Variants in SLIT3 observed in about 807,000 individuals in gnomAD.
SLIT3 encodes slit guidance ligand 3.
In SLIT3, 68 loss-of-function variants were observed where a neutral mutation model predicts 184.0. The observed-to-expected ratio is 0.37, with a 90% CI of 0.30 to 0.45. The LOEUF (loss-of-function observed/expected upper bound fraction) is 0.45. Among genes scored for constraint, SLIT3 ranks in the 20% least tolerant of loss-of-function variants. SLIT3 has a pLI of 1.00. For missense variants in SLIT3, 1,707 were observed against 2,026.0 expected (o/e 0.84, Z 3.02); for synonymous variants, 831 against 828.6 (o/e 1.00, Z -0.05).
rs185099975 is a variant in SLIT3, at chr5:169,049,370, G to A, written c.413+144109C>T. Among the ~76,000 whole-genome samples the A allele has an allele frequency of 1.2e-3, 189 of 152,258 alleles. 1 individual carries two copies. The highest frequency in any genetic ancestry group is 4.4e-3 in the African/African-American group (181 of 41,570). ...TTGACAGGTGCTAAGGTAACCAGAGGAAGTCAGCAGGAATCAACCTACATA... is the reference window on the plus strand; with the variant it reads ...TTGACAGGTGCTAAGGTAACCAGAGAAAGTCAGCAGGAATCAACCTACATA... On this transcript the variant is annotated intron_variant, in intron 4 of 35. Transcript: ENST00000519560.
chr5:168,886,108 A>G (rs1040467244), intron 4 of SLIT3, among the ~76,000 whole-genome samples: 1 of 152,244 alleles, frequency 6.6e-6, no homozygotes, highest in Non-Finnish European at 1.5e-5. Flanking sequence ...TGAGCAAAAC[A>G]GTAGATTGTA....
At chr5:169,273,493 C>A (rs1312723148) in intron 1 of SLIT3, among the ~76,000 whole-genome samples, 4 of 152,182 alleles carry the variant, frequency 2.6e-5, no homozygotes, top group Non-Finnish European at 4.4e-5. Flanking sequence ...GTCTTGGCTG[C>A]AAATTAGAAT....
intron 4 of SLIT3, among the ~76,000 whole-genome samples, chr5:169,159,510 T>TAC (rs766930527): frequency 0.046 from 7,046 of 151,906 alleles, 218 homozygotes; most frequent in East Asian, 0.098. Context: ...GCGCGGTAGC[T>TAC]CACGCCTGTA....
At chr5:168,879,069 C>G (rs1759851843) in intron 5 of SLIT3, among the ~76,000 whole-genome samples, 1 of 152,198 alleles carries the variant, frequency 6.6e-6, no homozygotes, top group Non-Finnish European at 1.5e-5. Context: ...AAATATACGT[C>G]AAAACTACAA....
intron 4 of SLIT3, among the ~76,000 whole-genome samples, chr5:169,078,807 C>T (rs770563458): frequency 4.6e-5 from 7 of 152,160 alleles, no homozygotes; most frequent in East Asian, 3.8e-4. Flanking sequence ...ATACCAGACA[C>T]GCCAAGTGAA....
chr5:169,168,515 A>T (rs1361213162), intron 4 of SLIT3, among the ~76,000 whole-genome samples: 4 of 152,210 alleles, frequency 2.6e-5, no homozygotes, highest in Non-Finnish European at 5.9e-5. Context: ...AATGCTGTGC[A>T]CTGTGCTGGG....
chr5:168,769,319 G>A (rs1755461577), intron 14 of SLIT3, among the ~76,000 whole-genome samples: 1 of 152,308 alleles, frequency 6.6e-6, no homozygotes, highest in East Asian at 1.9e-4. Flanking sequence ...CTGGAGATGT[G>A]CATCTTGAAG....
chr5:169,181,957 C>A (rs991950445), intron 4 of SLIT3, among the ~76,000 whole-genome samples: 6 of 152,076 alleles, frequency 3.9e-5, no homozygotes, highest in African/African-American at 1.4e-4. Flanking sequence ...TGGCATGATT[C>A]AACATATATT....
In SLIT3 at chr5:168,749,492, A is replaced by T. The variant is rs1445402394; in HGVS notation, c.2117T>A (p.Ile706Asn). 1 of 1,614,150 alleles carries T rather than the reference A, an allele frequency of 6.2e-7. No individual in the cohort carries two copies. The highest frequency in any genetic ancestry group is 1.7e-5 in the Admixed American group (1 of 60,026). Reference protein sequence around the residue: ...LKEIPIQDVAIQDFTCDGNEE... With the variant: ...LKEIPIQDVANQDFTCDGNEE... Reference sequence around the variant, plus strand: ...CTTACCATCACAGGTGAAGTCCTGGATGGCCACATCCTGGATGGGAATCTC... The same window carrying T: ...CTTACCATCACAGGTGAAGTCCTGGTTGGCCACATCCTGGATGGGAATCTC... The change falls in exon 19 of 36, where the codon ATC becomes AAC. Residue 706 changes from isoleucine to asparagine, a missense_variant. Ile to Asn is a moderately radical substitution (Grantham distance 149). This residue lies in a region of SLIT3 where 1,307 missense variants were observed against 1,511.6 expected (regional missense o/e 0.86). Coordinates refer to ENST00000519560, the MANE Select transcript of SLIT3 (RefSeq NM_003062.4).
intron 20 of SLIT3, among the ~76,000 whole-genome samples, chr5:168,730,387 C>G (rs529966496): frequency 4.3e-4 from 65 of 152,150 alleles, no homozygotes; most frequent in African/African-American, 1.5e-3. Flanking sequence ...ACTTAATAGA[C>G]ATTTACAGAA....
At chr5:169,191,717 T>C (rs1436137012) in intron 4 of SLIT3, among the ~76,000 whole-genome samples, 1 of 151,948 alleles carries the variant, frequency 6.6e-6, no homozygotes, top group Admixed American at 6.6e-5. Context: ...CGTGCCTGGC[T>C]CCCAGAATCT....
intron 5 of SLIT3, among the ~76,000 whole-genome samples, chr5:168,857,074 CG>C (rs1758909535): frequency 6.6e-6 from 1 of 152,014 alleles, no homozygotes; most frequent in Non-Finnish European, 1.5e-5. Context: ...TCAGTCTCAC[CG>C]AGCTAAGTAA....
chr5:168,854,319 A>G lies in SLIT3; in HGVS notation c.486-9664T>C, dbSNP rs547199991. On this transcript the variant is annotated intron_variant, in intron 5 of 35. Transcript: ENST00000519560. The stretch of plus-strand genomic sequence containing the variant: ...GAACTAGTTGCTTTCATTGGCCTGC[A>G]AAGTATTCTTACCCAGAAGATGGTG... 1.2e-4 allele frequency among the ~76,000 whole-genome samples: 16 copies of G among 131,054 alleles called. No individual in the cohort carries two copies. In the East Asian group the frequency reaches 3.5e-3, roughly 29 times the overall value. The allele number at this position is 131,054 out of a possible 152,430, so 86.0% of individuals were successfully genotyped here.
At chr5:168,889,117 T>G (rs2113803368) in intron 4 of SLIT3, among the ~76,000 whole-genome samples, 1 of 152,334 alleles carries the variant, frequency 6.6e-6, no homozygotes, top group African/African-American at 2.4e-5. Context: ...TTGCTTACTT[T>G]ATTTTATACA....
intron 5 of SLIT3, among the ~76,000 whole-genome samples, chr5:168,878,444 C>A (rs1759820026): frequency 6.6e-6 from 1 of 152,190 alleles, no homozygotes; most frequent in Non-Finnish European, 1.5e-5. Flanking sequence ...AAGTTGCATG[C>A]TTGCCTACTT....
At chr5:168,675,012 T>C (rs1761363859) in intron 32 of SLIT3, among the ~76,000 whole-genome samples, 1 of 152,162 alleles carries the variant, frequency 6.6e-6, no homozygotes, top group South Asian at 2.1e-4. Flanking sequence ...GTCACCCAGC[T>C]AGTACAGGCA....
intron 1 of SLIT3, among the ~76,000 whole-genome samples, chr5:169,275,657 C>A (rs1184130749): frequency 6.6e-6 from 1 of 152,096 alleles, no homozygotes; most frequent in African/African-American, 2.4e-5. Context: ...AATGAGGATG[C>A]AAGAGTGGAA....
At chr5:168,722,129 T>G in intron 23 of SLIT3, 127 bp downstream of exon 23, 2 of 770,102 alleles carry the variant, frequency 2.6e-6, no homozygotes, top group Non-Finnish European at 4.4e-6. Context: ...ATAAGGGTGC[T>G]GGGTAGGAAG....
At chr5:169,129,911 C>A (rs1242819622) in intron 4 of SLIT3, among the ~76,000 whole-genome samples, 1 of 152,180 alleles carries the variant, frequency 6.6e-6, no homozygotes, top group Non-Finnish European at 1.5e-5. Context: ...TGCAATGGCA[C>A]AATCTCGGCT....
Sources: allele counts gnomAD v4.1 joint callset (sites outside exome capture counted in the v4.1 genomes callset), GRCh38; gene constraint gnomAD v4.1.1; regional missense constraint gnomAD v4.1.1; transcripts MANE v1.5; gene names NCBI Gene and HGNC (gene_info 2026-07-23, HGNC 2026-07-21).